The following ONECUT3 variants were observed in gnomAD, a reference collection of about 807,000 sequenced individuals.
ONECUT3 encodes one cut homeobox 3, also known as one cut domain family member 3.
Under a neutral mutation model 16.8 loss-of-function variants are expected in ONECUT3, and 11 were observed. The observed-to-expected ratio is 0.66, with a 90% CI of 0.41 to 1.09. ONECUT3 has a LOEUF of 1.09. ONECUT3 is among the 50% of genes least tolerant of loss of function. The probability of loss-of-function intolerance (pLI) is 0.00; values close to 1 mark genes in which losing one functional copy is unlikely to be tolerated. For synonymous variants in ONECUT3, 344 were observed against 310.7 expected (o/e 1.11, Z -1.13); for missense variants, 637 against 629.9 (o/e 1.01, Z -0.12).
rs1421198772 is a variant in ONECUT3, at chr19:1,780,241, T to G, written c.*4796T>G. 6.6e-6 allele frequency: 1 copy of G among 150,722 alleles called. No individual in the cohort carries two copies. The highest frequency in any genetic ancestry group is 2.4e-5 in the African/African-American group (1 of 41,094). The allele number at this position is 150,722 out of a possible 1,614,324, so 9.3% of individuals were successfully genotyped here. A position where few individuals can be genotyped will look rare whatever the true frequency, so the allele number is the denominator to read the frequency against. On this transcript the variant is annotated 3_prime_UTR_variant, in exon 2 of 2. Transcript: ENST00000382349. ...TGGGCTGGGCATGAGTCCGCCTTTCTGTCCAGCCCGGGAGGCAGGGGGTGT... is the reference window on the plus strand; with the variant it reads ...TGGGCTGGGCATGAGTCCGCCTTTCGGTCCAGCCCGGGAGGCAGGGGGTGT...
At position 1,754,402 on chromosome 19, in the gene ONECUT3, C is replaced by G; in HGVS notation, c.740C>G (p.Pro247Arg). 2 of 1,085,850 alleles carry G rather than the reference C, an allele frequency of 1.8e-6. No homozygotes were observed. Among genetic ancestry groups the G allele is most frequent in the South Asian group, 2.5e-5 (1 of 40,510 alleles). 67.3% of individuals were successfully genotyped at this position (1,085,850 alleles called of 1,614,324 possible). The change falls in exon 1 of 2, where the codon CCG becomes CGG. Residue 247 changes from proline to arginine, a missense_variant. Physicochemically the swap from Pro to Arg is moderately radical, Grantham distance 103. Coordinates refer to ENST00000382349, the MANE Select transcript of ONECUT3 (RefSeq NM_001080488.2). The surrounding 1 kb of genome is among the most constrained non-coding windows in gnomAD (Gnocchi z 7.4). ...CTGCTGCCGCCCGCCGCCTTCGAGC[C>G]GCACGCCGCGCTGCTGGGACGCGCG... ...DKLLPPAAFE[P>R]HAALLGRAED...
Position 1,754,129 on chromosome 19 carries a change from C to G in ONECUT3, c.467C>G (p.Pro156Arg), listed in dbSNP as rs2067903585. The G allele has an allele frequency of 9.6e-7, 1 of 1,046,676 alleles. No individual in the cohort carries two copies. The highest frequency in any genetic ancestry group is 1.1e-6 in the Non-Finnish European group (1 of 872,492). 64.8% of individuals were successfully genotyped at this position (1,046,676 alleles called of 1,614,324 possible). The change falls in exon 1 of 2, where the codon CCG becomes CGG. Residue 156 changes from proline to arginine, a missense_variant. By Grantham distance (103) the Pro-to-Arg change is moderately radical. Coordinates refer to ENST00000382349, the MANE Select transcript of ONECUT3 (RefSeq NM_001080488.2). The surrounding 1 kb of genome is among the most constrained non-coding windows in gnomAD (Gnocchi z 7.4). ...GCGGCCGCGCCGCCCCCGCCACCCC[C>G]GCCGCAGCGTCTGGCGGCCAGCGTG... The part of the protein sequence containing the change: ...HPAAAPPPPP[P>R]PQRLAASVSG...
At chr19:1,773,644 G>A (rs559923077) in intron 1 of ONECUT3, among the ~76,000 whole-genome samples, 3 of 152,304 alleles carry the variant, frequency 2.0e-5, no homozygotes, top group South Asian at 2.1e-4. Flanking sequence ...CTGCACCACC[G>A]GCCACTTCTG....
Position 1,755,239 on chromosome 19 carries a change from C to T in ONECUT3, c.1192+385C>T, listed in dbSNP as rs1005230990. ...CGCCTGTTGGGGGGAGCTGTGTCCCCGAACGAGCTGCTGTTGTCGGCTAAG... is the reference window on the plus strand; with the variant it reads ...CGCCTGTTGGGGGGAGCTGTGTCCCTGAACGAGCTGCTGTTGTCGGCTAAG... On this transcript the variant is annotated intron_variant, in intron 1 of 1. Transcript: ENST00000382349. The surrounding 1 kb of genome is among the most constrained non-coding windows in gnomAD (Gnocchi z 7.5). Among the ~76,000 whole-genome samples, 1 of 151,700 alleles carries T rather than the reference C, an allele frequency of 6.6e-6. No individual in the cohort carries two copies. Among genetic ancestry groups the T allele is most frequent in the Admixed American group, 6.6e-5 (1 of 15,252 alleles).
chr19:1,773,182 G>C (rs2068072772), intron 1 of ONECUT3, among the ~76,000 whole-genome samples: 1 of 151,834 alleles, frequency 6.6e-6, no homozygotes, highest in Admixed American at 6.6e-5. Context: ...ATTAATTATA[G>C]CTTTGCCTGC....
chr19:1,770,900 A>G (rs569759204), intron 1 of ONECUT3, among the ~76,000 whole-genome samples: 2 of 152,358 alleles, frequency 1.3e-5, no homozygotes, highest in African/African-American at 4.8e-5. Flanking sequence ...CCATCTTTCC[A>G]GATTCATACC....
rs1482969086 is a variant in ONECUT3 at position 1,755,188 on chromosome 19, T to TGTGTGC, written c.1192+340_1192+345dup. ...GCAGCCCTCAGGGAAGCTCATTGTGTGTGTGCGTGTGTGTGTGTGAGCGCG... is the reference window on the plus strand; with the variant it reads ...GCAGCCCTCAGGGAAGCTCATTGTGTGTGTGCGTGTGCGTGTGTGTGTGTGAGCGCG... On this transcript the variant is annotated intron_variant, in intron 1 of 1. Coordinates refer to ENST00000382349, the MANE Select transcript of ONECUT3 (RefSeq NM_001080488.2). This position sits in a 1 kb window ranked among gnomAD's most constrained non-coding sequence, Gnocchi z 7.5. 3.9e-5 allele frequency among the ~76,000 whole-genome samples: 6 copies of TGTGTGC among 152,048 alleles called. No homozygotes were observed. The highest frequency in any genetic ancestry group is 1.4e-4 in the African/African-American group (6 of 41,490).
chr19:1,756,674 C>T (rs1316035363), intron 1 of ONECUT3, among the ~76,000 whole-genome samples: 2 of 150,834 alleles, frequency 1.3e-5, no homozygotes, highest in African/African-American at 2.4e-5. Context: ...GGATTACAGA[C>T]GCCCGCCACC....
chr19:1,768,894 AGGTGGAGGTGG>A (rs2068020332), intron 1 of ONECUT3, among the ~76,000 whole-genome samples: 2 of 136,712 alleles, frequency 1.5e-5, no homozygotes, highest in South Asian at 2.8e-4. Flanking sequence ...GAGGTGGTGG[AGGTGGAGGTGG>A]TGGAGGTGGA....
At position 1,753,857 on chromosome 19, in the gene ONECUT3, C is replaced by T. The variant is rs1038004364; in HGVS notation, c.195C>T (p.Ala65=). 3 of 973,254 alleles carry T rather than the reference C, an allele frequency of 3.1e-6. No individual in the cohort carries two copies. Among genetic ancestry groups the T allele is most frequent in the South Asian group, 9.1e-5 (2 of 21,862 alleles). 60.3% of individuals were successfully genotyped at this position (973,254 alleles called of 1,614,324 possible). The part of the protein sequence containing the change: ...DGGGGGGGGG[A]GGAGGAGSAG... The stretch of plus-strand genomic sequence containing the variant: ...GCGGCGGCGGCGGCGGTGGGGGCGC[C>T]GGGGGCGCGGGCGGCGCGGGCAGCG... The change falls in exon 1 of 2, where the codon GCC becomes GCT. Residue 65 remains alanine, a synonymous_variant. Transcript: ENST00000382349.
chr19:1,769,592 AC>A (rs142833821), intron 1 of ONECUT3, among the ~76,000 whole-genome samples: 26,814 of 148,556 alleles, frequency 0.18, 2,414 homozygotes, highest in African/African-American at 0.23. Flanking sequence ...GTGGGGGTGA[AC>A]CTGATGTTGG....
chr19:1,756,095 G>A (rs2067914908), intron 1 of ONECUT3, among the ~76,000 whole-genome samples: 2 of 152,276 alleles, frequency 1.3e-5, no homozygotes, highest in South Asian at 4.1e-4. Flanking sequence ...TGTGCCCCCA[G>A]GCAGCCCGTC....
intron 1 of ONECUT3, among the ~76,000 whole-genome samples, chr19:1,760,656 G>A (rs531874187): frequency 2.0e-5 from 3 of 151,744 alleles, no homozygotes; most frequent in Admixed American, 6.6e-5. Flanking sequence ...GAGGATGGGC[G>A]GTGGGGGGGG....
In ONECUT3 at chr19:1,753,980, G is replaced by T. The variant is rs2067902460; in HGVS notation, c.318G>T (p.Thr106=). The change falls in exon 1 of 2, where the codon ACG becomes ACT. Residue 106 remains threonine (T), a synonymous_variant. Transcript: ENST00000382349. ...CEAPGLGGTY[T]TLTPLQHLPP... ...CGCCGGGCCTGGGCGGCACCTACAC[G>T]ACGCTCACGCCCCTGCAGCACCTGC... 6.0e-6 allele frequency: 6 copies of T among 995,090 alleles called. No individual in the cohort carries two copies. The highest frequency in any genetic ancestry group is 7.2e-6 in the Non-Finnish European group (6 of 837,516). The allele number at this position is 995,090 out of a possible 1,614,324, so 61.6% of individuals were successfully genotyped here. A position where few individuals can be genotyped will look rare whatever the true frequency, so the allele number is the denominator to read the frequency against.
intron 1 of ONECUT3, among the ~76,000 whole-genome samples, chr19:1,765,823 G>A (rs1470028345): frequency 1.3e-5 from 2 of 152,200 alleles, no homozygotes; most frequent in Non-Finnish European, 2.9e-5. Flanking sequence ...CAGTGGTGAG[G>A]GGAGCAGGGG....
chr19:1,753,767 C>T lies in ONECUT3; in HGVS notation c.105C>T (p.His35=). Residue 35 remains histidine, a synonymous_variant, in exon 1 of 2, where the codon CAC becomes CAT. Coordinates refer to ENST00000382349, the MANE Select transcript of ONECUT3 (RefSeq NM_001080488.2). ...ACGCGCGCTCGGCGGCGGCGCAGCA[C>T]CGCGGCCTGGTGGCGCCCGGGCGCC... The part of the protein sequence containing the change: ...PGHARSAAAQ[H]RGLVAPGRPG... 1 of 996,290 alleles carries T rather than the reference C, an allele frequency of 1.0e-6. No individual in the cohort carries two copies. The highest frequency in any genetic ancestry group is 1.2e-6 in the Non-Finnish European group (1 of 838,354). 61.7% of individuals were successfully genotyped at this position (996,290 alleles called of 1,614,324 possible).
rs532585996 is a variant in ONECUT3 at position 1,779,332 on chromosome 19, G to A, written c.*3887G>A. ...GGAGCGTGATCGCGAGAGAGACTGCGGCAGAAAGGACCAGTGGCGTTTACA... is the reference window on the plus strand; with the variant it reads ...GGAGCGTGATCGCGAGAGAGACTGCAGCAGAAAGGACCAGTGGCGTTTACA... On this transcript the variant is annotated 3_prime_UTR_variant, in exon 2 of 2. Transcript: ENST00000382349. The A allele has an allele frequency of 3.9e-5, 6 of 152,250 alleles. No individual in the cohort carries two copies. The highest frequency in any genetic ancestry group is 9.6e-5 in the African/African-American group (4 of 41,522). The allele number at this position is 152,250 out of a possible 1,614,324, so 9.4% of individuals were successfully genotyped here. A position where few individuals can be genotyped will look rare whatever the true frequency, so the allele number is the denominator to read the frequency against.
intron 1 of ONECUT3, among the ~76,000 whole-genome samples, chr19:1,768,999 T>TGGTGGAGGTGGTGGAGGTGGAAGTGGA (rs1568599273): frequency 1.5e-4 from 4 of 27,544 alleles, no homozygotes; most frequent in African/African-American, 2.2e-4. Flanking sequence ...GTGGAGGTGA[T>TGGTGGAGGTGGTGGAGGTGGAAGTGGA]GGTGGAGGTG....
In ONECUT3 at chr19:1,753,624, C is replaced by T; in HGVS notation, c.-39C>T. ...TGCAGCGGCCTTGAGCACTAGGGGC[C>T]GGCGCTGAGGAGCGCGCGCGGCGGG... On this transcript the variant is annotated 5_prime_UTR_variant, in exon 1 of 2. Coordinates refer to ENST00000382349, the MANE Select transcript of ONECUT3 (RefSeq NM_001080488.2). 3.5e-6 allele frequency: 3 copies of T among 864,516 alleles called. No homozygotes were observed. Among genetic ancestry groups the T allele is most frequent in the South Asian group, 5.3e-5 (1 of 18,988 alleles). The allele number at this position is 864,516 out of a possible 1,614,324, so 53.6% of individuals were successfully genotyped here. A position where few individuals can be genotyped will look rare whatever the true frequency, so the allele number is the denominator to read the frequency against.
Sources: gnomAD v4.1 joint callset for allele counts (sites outside exome capture counted in the v4.1 genomes callset) on GRCh38, gnomAD v4.1.1 for gene constraint, Gnocchi (gnomAD v3.1) non-coding constraint, MANE v1.5 for transcripts, NCBI Gene and HGNC (gene_info 2026-07-23, HGNC 2026-07-21) for gene names.